Variants in VRK2 observed in about 807,000 individuals in gnomAD.
The protein encoded by VRK2 is VRK serine/threonine kinase 2.
In VRK2, 60 loss-of-function variants were observed where a neutral mutation model predicts 57.6. That is an observed-to-expected ratio of 1.04 (90% CI 0.85 to 1.29). VRK2 has a LOEUF of 1.29. Among genes scored for constraint, VRK2 ranks in the 50% most tolerant of loss-of-function variants. The pLI is 0.00. For missense variants in VRK2, 705 were observed against 588.1 expected (o/e 1.20, Z -2.06); for synonymous variants, 231 against 199.2 (o/e 1.16, Z -1.35).
At chr2:57,959,101 A>G (rs1190729248) in intron 1 of VRK2, among the ~76,000 whole-genome samples, 1 of 152,196 alleles carries the variant, frequency 6.6e-6, no homozygotes, top group Non-Finnish European at 1.5e-5. Flanking sequence ...GCGATTCACT[A>G]TGACTAAAAT....
intron 1 of VRK2, among the ~76,000 whole-genome samples, chr2:58,018,380 G>A (rs1407379033): frequency 2.0e-5 from 3 of 152,114 alleles, no homozygotes; most frequent in African/African-American, 2.4e-5. Context: ...TTGGTTCATC[G>A]TACCTTGTTA....
chr2:58,085,031 C>G (rs71394407), intron 4 of VRK2, 81 bp downstream of exon 4: 1 of 1,308,648 alleles, frequency 7.6e-7, no homozygotes, highest in Non-Finnish European at 1.0e-6. Flanking sequence ...TTTTTCTGGC[C>G]TTCTGGAAAA....
intron 1 of VRK2, among the ~76,000 whole-genome samples, chr2:57,941,631 C>T (rs1438155262): frequency 6.6e-6 from 1 of 152,142 alleles, no homozygotes; most frequent in Non-Finnish European, 1.5e-5. Flanking sequence ...TCCCAGGGTA[C>T]TTTAGCTCTT....
chr2:57,947,741 T>G (rs1295612459), intron 1 of VRK2, among the ~76,000 whole-genome samples: 1 of 152,194 alleles, frequency 6.6e-6, no homozygotes, highest in Non-Finnish European at 1.5e-5. Flanking sequence ...TTTTTCTGTA[T>G]AGCCCTGTAT....
At chr2:58,145,743 T>G (rs1682015371) in intron 11 of VRK2, among the ~76,000 whole-genome samples, 1 of 151,996 alleles carries the variant, frequency 6.6e-6, no homozygotes, top group South Asian at 2.1e-4. Flanking sequence ...TCATTTACAT[T>G]AGGTATTTCT....
Position 58,141,740 on chromosome 2 carries a change from T to G in VRK2, c.1023+1908T>G, listed in dbSNP as rs116884099. ...ATCTTAATTTTCAAAGTTTACAGAT[T>G]TTGCAGTGCTACAAAAACCAAACCT... On this transcript the variant is annotated intron_variant, in intron 11 of 12. Coordinates refer to ENST00000340157, the MANE Select transcript of VRK2 (RefSeq NM_006296.7). Among the ~76,000 whole-genome samples the G allele has an allele frequency of 9.2e-5, 14 of 152,108 alleles. No individual in the cohort carries two copies. The East Asian group carries it at 2.7e-3, about 29-fold the overall frequency.
At chr2:58,052,759 T>G (rs1675946035) in intron 2 of VRK2, among the ~76,000 whole-genome samples, 1 of 152,178 alleles carries the variant, frequency 6.6e-6, no homozygotes, top group South Asian at 2.1e-4. Flanking sequence ...CATAAGACTT[T>G]ATGACATTTT....
In VRK2 at chr2:58,123,211, C is replaced by T; in HGVS notation, c.654C>T (p.Ser218=). The T allele has an allele frequency of 1.9e-6, 3 of 1,585,708 alleles. No individual in the cohort carries two copies. The highest frequency in any genetic ancestry group is 2.3e-5 in the South Asian group (2 of 85,196). The change falls in exon 8 of 13, where the codon AGC becomes AGT. Residue 218 remains serine (S), a synonymous_variant. Transcript: ENST00000340157. ...ATAATGGGACAATAGAGTTTACCAG[C>T]TTGGATGCCCACAAGGGAGTAGGTG... ...KGHNGTIEFT[S]LDAHKGVALS...
chr2:58,100,696 CAT>C (rs1673832426), intron 7 of VRK2, among the ~76,000 whole-genome samples: 2 of 151,662 alleles, frequency 1.3e-5, no homozygotes, highest in South Asian at 2.1e-4. Flanking sequence ...GTATAACTAT[CAT>C]ATGAATACAT....
At chr2:58,117,799 T>TG (rs1454777722) in intron 7 of VRK2, among the ~76,000 whole-genome samples, 1 of 151,942 alleles carries the variant, frequency 6.6e-6, no homozygotes, top group East Asian at 1.9e-4. Flanking sequence ...CAGTGAAAGT[T>TG]GGAGAGGTTT....
intron 2 of VRK2, among the ~76,000 whole-genome samples, chr2:58,066,734 A>C (rs1668663421): frequency 6.6e-6 from 1 of 152,194 alleles, no homozygotes. Context: ...ATTCTTTTAA[A>C]AAAAATGGTT....
intron 7 of VRK2, among the ~76,000 whole-genome samples, chr2:58,104,545 G>C (rs1328372340): frequency 1.3e-5 from 2 of 151,724 alleles, no homozygotes; most frequent in Non-Finnish European, 3.0e-5. Context: ...CTACAAAACA[G>C]TGGTGAAATA....
chr2:58,130,921 A>G (rs1222694086), intron 8 of VRK2, among the ~76,000 whole-genome samples: 6 of 152,154 alleles, frequency 3.9e-5, no homozygotes, highest in African/African-American at 1.4e-4. Context: ...TATATTTCAT[A>G]CATTTCCTAG....
chr2:57,992,950 C>T (rs1672813212), intron 1 of VRK2, among the ~76,000 whole-genome samples: 1 of 152,204 alleles, frequency 6.6e-6, no homozygotes, highest in African/African-American at 2.4e-5. Flanking sequence ...TCATTTCTGA[C>T]ACCAATTCTC....
At chr2:58,124,607 G>T (rs1678026102) in intron 8 of VRK2, among the ~76,000 whole-genome samples, 1 of 152,162 alleles carries the variant, frequency 6.6e-6, no homozygotes. Flanking sequence ...ACAAGTTTTA[G>T]TTGGTGAAGA....
intron 1 of VRK2, among the ~76,000 whole-genome samples, chr2:57,944,811 T>C (rs1387573420): frequency 7.9e-6 from 1 of 126,212 alleles, no homozygotes; most frequent in African/African-American, 4.6e-5. Context: ...AAAAAAGTCA[T>C]CCCCCTTGTT....
intron 1 of VRK2, among the ~76,000 whole-genome samples, chr2:57,993,753 TCA>T (rs1480745547): frequency 6.6e-6 from 1 of 152,218 alleles, no homozygotes; most frequent in East Asian, 1.9e-4. Flanking sequence ...GGGGCTGAGA[TCA>T]CAGAGTTCAT....
intron 12 of VRK2, among the ~76,000 whole-genome samples, chr2:58,150,687 A>G (rs1682888458): frequency 6.7e-6 from 1 of 149,058 alleles, no homozygotes; most frequent in Non-Finnish European, 1.5e-5. Flanking sequence ...TTTGCATTTA[A>G]TTTATTCTTT....
intron 1 of VRK2, among the ~76,000 whole-genome samples, chr2:57,993,858 C>T (rs891707383): frequency 2.0e-5 from 3 of 152,136 alleles, no homozygotes; most frequent in Admixed American, 2.0e-4. Flanking sequence ...CCCATGTTCC[C>T]TAATGAAAAG....
Sources: allele counts gnomAD v4.1 joint callset (sites outside exome capture counted in the v4.1 genomes callset), GRCh38; gene constraint gnomAD v4.1.1; transcripts MANE v1.5; gene names NCBI Gene and HGNC (gene_info 2026-07-23, HGNC 2026-07-21).